Variants in IL1RL1 observed in about 807,000 individuals in gnomAD.
IL1RL1 encodes interleukin 1 receptor like 1, also known as interleukin-1 receptor-like 1.
A neutral mutation model predicts 50.9 loss-of-function variants in IL1RL1; 32 were observed. The observed-to-expected ratio is 0.63, with a 90% confidence interval of 0.47 to 0.84. The LOEUF is 0.84. Among genes scored for constraint, IL1RL1 ranks in the 40% least tolerant of loss-of-function variants. IL1RL1 has a pLI of 0.00. For synonymous variants in IL1RL1, 275 were observed against 236.0 expected (o/e 1.17, Z -1.51); for missense variants, 773 against 662.9 (o/e 1.17, Z -1.82).
intron 1 of IL1RL1, among the ~76,000 whole-genome samples, chr2:102,324,526 C>G (rs1420453248): frequency 6.6e-6 from 1 of 152,200 alleles, no homozygotes; most frequent in African/African-American, 2.4e-5. Flanking sequence ...GTGCAGAGCA[C>G]TGAGCGTGAG....
intron 1 of IL1RL1, among the ~76,000 whole-genome samples, chr2:102,324,762 G>A (rs1159008533): frequency 6.6e-6 from 1 of 152,200 alleles, no homozygotes; most frequent in African/African-American, 2.4e-5. Flanking sequence ...TGCTAGCAGA[G>A]CAGTCTGAGA....
chr2:102,319,206 A>T (rs1222497778), intron 1 of IL1RL1, among the ~76,000 whole-genome samples: 1 of 152,148 alleles, frequency 6.6e-6, no homozygotes, highest in Non-Finnish European at 1.5e-5. Context: ...GTCAATTAAA[A>T]TATCCTGAAG....
intron 1 of IL1RL1, among the ~76,000 whole-genome samples, chr2:102,312,375 T>C (rs1676543621): frequency 6.6e-6 from 1 of 151,548 alleles, no homozygotes; most frequent in South Asian, 2.1e-4. Context: ...ATGGTACAGA[T>C]TGATGAAATC....
rs1677434137 is a variant in IL1RL1, at chr2:102,338,916, T to C, written c.141T>C (p.Asp47=). 6.8e-6 allele frequency: 11 copies of C among 1,613,648 alleles called. No individual in the cohort carries two copies. The highest frequency in any genetic ancestry group is 9.3e-6 in the Non-Finnish European group (11 of 1,179,610). ...PRQGKPSYTV[D]WYYSQTNKSI... ...AAGGAAAACCTAGTTACACCGTGGA[T>C]TGGTATTACTCACAAACAAACAAAA... is the stretch of plus-strand genomic sequence containing the variant. Residue 47 remains aspartate, a synonymous_variant, in exon 3 of 11, where the codon GAT becomes GAC. Coordinates refer to ENST00000233954, the MANE Select transcript of IL1RL1 (RefSeq NM_016232.5).
chr2:102,330,411 A>G (rs1677143894), intron 1 of IL1RL1, among the ~76,000 whole-genome samples: 1 of 152,220 alleles, frequency 6.6e-6, no homozygotes, highest in Non-Finnish European at 1.5e-5. Flanking sequence ...TAATGGGTGC[A>G]ATACACAAAC....
chr2:102,348,042 G>A lies in IL1RL1; in HGVS notation c.1068G>A (p.Glu356=). 1 of 1,612,470 alleles carries A rather than the reference G, an allele frequency of 6.2e-7. No homozygotes were observed. Among genetic ancestry groups the A allele is most frequent in the Non-Finnish European group, 8.5e-7 (1 of 1,178,536 alleles). The change falls in exon 9 of 11, where the codon GAG becomes GAA. Residue 356 remains glutamate (E), a synonymous_variant. Transcript: ENST00000233954. ...TCATCCTAAAAATGTTCTGGATTGA[G>A]GCCACTCTGCTCTGGAGAGACATAG... ...LVIILKMFWI[E]ATLLWRDIAK...
chr2:102,334,205 G>T (rs1026096710), intron 1 of IL1RL1, among the ~76,000 whole-genome samples: 6 of 152,172 alleles, frequency 3.9e-5, no homozygotes, highest in Admixed American at 2.0e-4. Flanking sequence ...CAGCAACAAT[G>T]TATAAGCATT....
chr2:102,345,004 C>A, intron 8 of IL1RL1: 1 of 952,428 alleles, frequency 1.0e-6, no homozygotes, highest in Non-Finnish European at 1.2e-6. Flanking sequence ...AAAAATGTAA[C>A]ATTCTTTTTT....
At chr2:102,328,808 A>G (rs568747520) in intron 1 of IL1RL1, among the ~76,000 whole-genome samples, 1 of 152,338 alleles carries the variant, frequency 6.6e-6, no homozygotes, top group South Asian at 2.1e-4. Context: ...TTCAAGGAGA[A>G]CTGCAAACCA....
intron 1 of IL1RL1, among the ~76,000 whole-genome samples, chr2:102,317,528 A>G (rs1676713085): frequency 6.6e-6 from 1 of 152,140 alleles, no homozygotes; most frequent in Non-Finnish European, 1.5e-5. Flanking sequence ...TCCCATGTAT[A>G]GCTTTACAAA....
chr2:102,352,018 A>G lies in IL1RL1; in HGVS notation c.*97A>G, dbSNP rs1677951490. The G allele has an allele frequency of 2.6e-5, 31 of 1,200,584 alleles. 1 individual carries two copies. In the South Asian group the frequency reaches 4.5e-4, roughly 17 times the overall value. The allele number at this position is 1,200,584 out of a possible 1,614,324, so 74.4% of individuals were successfully genotyped here. Reference sequence around the variant, plus strand: ...GCACTGAAGTGTGAGGAGCAGGAATATTAAAGGGATTCAGGCCTCAGGTTT... The same window carrying G: ...GCACTGAAGTGTGAGGAGCAGGAATGTTAAAGGGATTCAGGCCTCAGGTTT... On this transcript the variant is annotated 3_prime_UTR_variant, in exon 11 of 11. Coordinates refer to ENST00000233954, the MANE Select transcript of IL1RL1 (RefSeq NM_016232.5).
chr2:102,345,433 G>A (rs934297112), intron 8 of IL1RL1: 25 of 985,274 alleles, frequency 2.5e-5, no homozygotes, highest in Non-Finnish European at 3.0e-5. Context: ...TCACTCCTCA[G>A]GGGCTGTACA....
intron 8 of IL1RL1, 194 bp downstream of exon 8, chr2:102,343,609 C>T (rs2104993273): frequency 2.8e-6 from 4 of 1,454,340 alleles, no homozygotes; most frequent in South Asian, 1.4e-5. Context: ...TTCTCTGCTG[C>T]TTAAATTGTT....
intron 1 of IL1RL1, among the ~76,000 whole-genome samples, chr2:102,334,305 G>T (rs779609715): frequency 6.6e-6 from 1 of 152,104 alleles, no homozygotes; most frequent in East Asian, 1.9e-4. Flanking sequence ...TTGGAGGGGA[G>T]GATTGGGTGA....
Position 102,340,748 on chromosome 2 carries a change from G to A in IL1RL1, c.530G>A (p.Gly177Asp). The change falls in exon 5 of 11, where the codon GGT becomes GAT. Residue 177 changes from glycine (G) to aspartate (D), a missense_variant. Transcript: ENST00000233954. ...VIDNVMTEDA[G>D]DYTCKFIHNE... ...GATAATGTGATGACTGAGGACGCAG[G>A]TGATTACACCTGTAAATTTATACAC... 1.9e-6 allele frequency: 3 copies of A among 1,599,722 alleles called. No homozygotes were observed. Among genetic ancestry groups the A allele is most frequent in the Non-Finnish European group, 2.6e-6 (3 of 1,175,750 alleles).
At chr2:102,351,499 A>T (rs745939856) in intron 10 of IL1RL1, 37 bp from the exon 11 acceptor site, 1 of 1,570,520 alleles carries the variant, frequency 6.4e-7, no homozygotes, top group Admixed American at 1.7e-5. Flanking sequence ...AAAGCATTAG[A>T]CTGATAAGAA....
At chr2:102,315,945 A>C (rs1676661160) in intron 1 of IL1RL1, among the ~76,000 whole-genome samples, 3 of 152,186 alleles carry the variant, frequency 2.0e-5, no homozygotes, top group Non-Finnish European at 4.4e-5. Flanking sequence ...GTCTAATGTA[A>C]ACATGGATCC....
chr2:102,341,520 G>A (rs1418440041), intron 5 of IL1RL1, among the ~76,000 whole-genome samples: 4 of 152,114 alleles, frequency 2.6e-5, no homozygotes, highest in African/African-American at 4.8e-5. Context: ...GCCCCTTTAC[G>A]TATGACAGTT....
At chr2:102,325,340 A>C (rs1676965133) in intron 1 of IL1RL1, among the ~76,000 whole-genome samples, 1 of 152,144 alleles carries the variant, frequency 6.6e-6, no homozygotes, top group Admixed American at 6.6e-5. Context: ...TCCACACCAA[A>C]ACCCCATCTG....
Sources: allele counts gnomAD v4.1 joint callset (sites outside exome capture counted in the v4.1 genomes callset), GRCh38; gene constraint gnomAD v4.1.1; transcripts MANE v1.5; gene names NCBI Gene and HGNC (gene_info 2026-07-23, HGNC 2026-07-21).